The following STX11 variants were observed in gnomAD, a reference collection of about 807,000 sequenced individuals.
The protein encoded by STX11 is syntaxin-11.
A neutral mutation model predicts 19.9 loss-of-function variants in STX11; 21 were observed. That is an observed-to-expected ratio of 1.06 (90% CI 0.75 to 1.52). The LOEUF (loss-of-function observed/expected upper bound fraction) is 1.52, where lower values mean the gene tolerates loss of function less well. Ranked by LOEUF, STX11 falls within the 40% of genes most tolerant of loss-of-function variation. The pLI, the probability that STX11 is intolerant of heterozygous loss-of-function variation, is 0.00. For synonymous variants in STX11, 193 were observed against 174.4 expected (o/e 1.11, Z -0.84); for missense variants, 438 against 405.9 (o/e 1.08, Z -0.68).
At position 144,152,174 on chromosome 6, in the gene STX11, C is replaced by T. The variant is rs953086435; in HGVS notation, c.-6+1471C>T. Among the ~76,000 whole-genome samples the T allele has an allele frequency of 2.0e-5, 3 of 152,110 alleles. No individual in the cohort carries two copies. Among genetic ancestry groups the T allele is most frequent in the Admixed American group, 2.0e-4 (3 of 15,274 alleles). ...AAAGAGTAGACTCAGCAGATTATCA[C>T]CCCTAGATAATTGCGGTCACGATTA... On this transcript the variant is annotated intron_variant, in intron 1 of 1. Transcript: ENST00000367568. The surrounding 1 kb of genome is among the most constrained non-coding windows in gnomAD (Gnocchi z 4.9).
chr6:144,162,479 T>C lies in STX11; in HGVS notation c.-6+11776T>C, dbSNP rs1002422783. The stretch of plus-strand genomic sequence containing the variant: ...GAGTTTTGGAAGGGAGCAAAAGTAA[T>C]GTTCAATTTGCTATTTTATCCAGAA... On this transcript the variant is annotated intron_variant, in intron 1 of 1. Transcript: ENST00000367568. The surrounding 1 kb of genome is among the most constrained non-coding windows in gnomAD (Gnocchi z 4.6). 6.6e-6 allele frequency among the ~76,000 whole-genome samples: 1 copy of C among 152,230 alleles called. No individual in the cohort carries two copies. Among genetic ancestry groups the C allele is most frequent in the Non-Finnish European group, 1.5e-5 (1 of 68,042 alleles).
chr6:144,158,187 C>A lies in STX11; in HGVS notation c.-6+7484C>A, dbSNP rs74545913. Reference sequence around the variant, plus strand: ...GTGACCAACTCTATTGAGATTTTTTCAGATTATCCAGAAGTCATGGGAACC... The same window carrying A: ...GTGACCAACTCTATTGAGATTTTTTAAGATTATCCAGAAGTCATGGGAACC... On this transcript the variant is annotated intron_variant, in intron 1 of 1. Transcript: ENST00000367568. Among the ~76,000 whole-genome samples, 408 of 152,266 alleles carry A rather than the reference C, an allele frequency of 2.7e-3. 1 individual carries two copies. The highest frequency in any genetic ancestry group is 8.8e-3 in the African/African-American group (366 of 41,564).
intron 1 of STX11, among the ~76,000 whole-genome samples, chr6:144,185,336 T>G (rs969495233): frequency 2.0e-5 from 3 of 152,220 alleles, no homozygotes; most frequent in Non-Finnish European, 4.4e-5. Flanking sequence ...CCTGATAGAT[T>G]GCGTAACCAT....
the STX11 span, among the ~76,000 whole-genome samples, chr6:144,144,208 T>C: frequency 3.1e-4 from 47 of 152,258 alleles, no homozygotes; most frequent in Non-Finnish European, 1.2e-4. Flanking sequence ...TTGAAACTTA[T>C]GATTTAGTAG....
intron 1 of STX11, among the ~76,000 whole-genome samples, chr6:144,171,896 T>A (rs927765900): frequency 6.6e-6 from 1 of 152,240 alleles, no homozygotes; most frequent in Non-Finnish European, 1.5e-5. Flanking sequence ...TGAATTAAAA[T>A]CAAGATATTA....
chr6:144,156,649 AT>A (rs1272285826), intron 1 of STX11, among the ~76,000 whole-genome samples: 1 of 152,074 alleles, frequency 6.6e-6, no homozygotes, highest in African/African-American at 2.4e-5. Context: ...TCACGGTTAT[AT>A]TTCTAATTTT....
Position 144,169,750 on chromosome 6 carries a change from A to G in STX11, c.-5-16873A>G, listed in dbSNP as rs528466291. Reference sequence around the variant, plus strand: ...ACCCAGGCTGGAGTGCAGTGGCACAATCATAGCTCACTGCAGCCTCAAACT... The same window carrying G: ...ACCCAGGCTGGAGTGCAGTGGCACAGTCATAGCTCACTGCAGCCTCAAACT... On this transcript the variant is annotated intron_variant, in intron 1 of 1. Coordinates refer to ENST00000367568, the MANE Select transcript of STX11 (RefSeq NM_003764.4). This position sits in a 1 kb window ranked among gnomAD's most constrained non-coding sequence, Gnocchi z 5.2. Among the ~76,000 whole-genome samples, 26 of 151,030 alleles carry G rather than the reference A, an allele frequency of 1.7e-4. No individual in the cohort carries two copies. The South Asian group carries it at 3.6e-3, about 21-fold the overall frequency.
chr6:144,158,747 A>G (rs531264635), intron 1 of STX11, among the ~76,000 whole-genome samples: 4 of 152,258 alleles, frequency 2.6e-5, no homozygotes, highest in Admixed American at 6.5e-5. Context: ...TTAAGCATTC[A>G]TAAATGTAGG....
Position 144,180,014 on chromosome 6 carries a change from CTGTGTGTGTGTG to C in STX11, c.-5-6607_-5-6596del, listed in dbSNP as rs1312276117. Among the ~76,000 whole-genome samples the C allele has an allele frequency of 6.6e-6, 1 of 151,720 alleles. No homozygotes were observed. Among genetic ancestry groups the C allele is most frequent in the Non-Finnish European group, 1.5e-5 (1 of 67,886 alleles). ...TCTCTTTTTCTTTCTCTTTCTCTTTCTGTGTGTGTGTGTATCTACAAGCTGATCTCCATAATA... is the reference window on the plus strand; with the variant it reads ...TCTCTTTTTCTTTCTCTTTCTCTTTCTATCTACAAGCTGATCTCCATAATA... On this transcript the variant is annotated intron_variant, in intron 1 of 1. Transcript: ENST00000367568. This position sits in a 1 kb window ranked among gnomAD's most constrained non-coding sequence, Gnocchi z 5.3.
At position 144,169,443 on chromosome 6, in the gene STX11, C is replaced by T. The variant is rs1320299504; in HGVS notation, c.-5-17180C>T. Among the ~76,000 whole-genome samples, 2 of 152,166 alleles carry T rather than the reference C, an allele frequency of 1.3e-5. No homozygotes were observed. Among genetic ancestry groups the T allele is most frequent in the Non-Finnish European group, 2.9e-5 (2 of 68,024 alleles). On this transcript the variant is annotated intron_variant, in intron 1 of 1. Transcript: ENST00000367568. This position sits in a 1 kb window ranked among gnomAD's most constrained non-coding sequence, Gnocchi z 5.2. Reference sequence around the variant, plus strand: ...TGTGTCTTTTCTAAAATTTCCGTAACCAGCCTTTTGATTATTTACAGTTTC... The same window carrying T: ...TGTGTCTTTTCTAAAATTTCCGTAATCAGCCTTTTGATTATTTACAGTTTC...
chr6:144,147,986 T>C (rs546553541), upstream of STX11, among the ~76,000 whole-genome samples: 1 of 152,310 alleles, frequency 6.6e-6, no homozygotes, highest in South Asian at 2.1e-4. The surrounding 1 kb of genome is among the most constrained non-coding windows in gnomAD (Gnocchi z 4.2). Context: ...GGGCACCCCA[T>C]GGTCCAATAA....
rs1445478859 is a variant in STX11 at position 144,190,184 on chromosome 6, G to T, written c.*2693G>T. 6.6e-6 allele frequency among the ~76,000 whole-genome samples: 1 copy of T among 152,180 alleles called. No homozygotes were observed. Among genetic ancestry groups the T allele is most frequent in the East Asian group, 1.9e-4 (1 of 5,202 alleles). Reference sequence around the variant, plus strand: ...GCTGTTTGGGAACCATCTCAGTGTGGCGTAATGGTTAGGAGTACAGATTCC... The same window carrying T: ...GCTGTTTGGGAACCATCTCAGTGTGTCGTAATGGTTAGGAGTACAGATTCC... On this transcript the variant is annotated 3_prime_UTR_variant, in exon 2 of 2. Coordinates refer to ENST00000367568, the MANE Select transcript of STX11 (RefSeq NM_003764.4).
chr6:144,150,841 G>C lies in STX11; in HGVS notation c.-6+138G>C, dbSNP rs995046884. The C allele has an allele frequency of 1.4e-5, 9 of 656,826 alleles. No homozygotes were observed. In the African/African-American group the frequency reaches 1.6e-4, roughly 11 times the overall value. 40.7% of individuals were successfully genotyped at this position (656,826 alleles called of 1,614,324 possible). ...CGGCTGTGCCTTAGGTGGGATTTTG[G>C]ATCTGGCGCAGGTCCTCACGCCGCC... On this transcript the variant is annotated intron_variant, in intron 1 of 1. Coordinates refer to ENST00000367568, the MANE Select transcript of STX11 (RefSeq NM_003764.4).
rs1209067607 is a variant in STX11 at position 144,183,125 on chromosome 6, A to G, written c.-5-3498A>G. On this transcript the variant is annotated intron_variant, in intron 1 of 1. Transcript: ENST00000367568. This position sits in a 1 kb window ranked among gnomAD's most constrained non-coding sequence, Gnocchi z 4.6. ...GTGGACATTATAAAAATTTTGGAAA[A>G]TACAGAAAAGCAAAAGGAAGCAATT... is the stretch of plus-strand genomic sequence containing the variant. Among the ~76,000 whole-genome samples the G allele has an allele frequency of 6.6e-6, 1 of 152,254 alleles. No homozygotes were observed. Among genetic ancestry groups the G allele is most frequent in the African/African-American group, 2.4e-5 (1 of 41,464 alleles).
At chr6:144,171,595 A>G (rs1801637631) in intron 1 of STX11, among the ~76,000 whole-genome samples, 2 of 152,244 alleles carry the variant, frequency 1.3e-5, no homozygotes, top group African/African-American at 4.8e-5. Context: ...ACTGCCAAGT[A>G]TCTCTCTACT....
rs1801674811 is a variant in STX11, at chr6:144,172,828, A to G, written c.-5-13795A>G. On this transcript the variant is annotated intron_variant, in intron 1 of 1. Transcript: ENST00000367568. This position sits in a 1 kb window ranked among gnomAD's most constrained non-coding sequence, Gnocchi z 4.2. ...AATGAACAGGCTGTCTTTCCCATAC[A>G]CATCCAACATATAATGATGAGATAG... 6.6e-6 allele frequency among the ~76,000 whole-genome samples: 1 copy of G among 151,928 alleles called. No individual in the cohort carries two copies. The highest frequency in any genetic ancestry group is 6.6e-5 in the Admixed American group (1 of 15,238).
Position 144,183,889 on chromosome 6 carries a change from A to T in STX11, c.-5-2734A>T, listed in dbSNP as rs754458019. 6.6e-6 allele frequency among the ~76,000 whole-genome samples: 1 copy of T among 151,334 alleles called. No individual in the cohort carries two copies. Among genetic ancestry groups the T allele is most frequent in the Non-Finnish European group, 1.5e-5 (1 of 67,892 alleles). On this transcript the variant is annotated intron_variant, in intron 1 of 1. Coordinates refer to ENST00000367568, the MANE Select transcript of STX11 (RefSeq NM_003764.4). This position sits in a 1 kb window ranked among gnomAD's most constrained non-coding sequence, Gnocchi z 4.6. ...TCCCTAATGCTCTCCCCTCCCCCGC[A>T]CTTCCCCGACAGGCCCCACTGTGCA...
intron 1 of STX11, among the ~76,000 whole-genome samples, chr6:144,181,895 A>G (rs899885728): frequency 6.6e-6 from 1 of 152,208 alleles, no homozygotes; most frequent in African/African-American, 2.4e-5. Flanking sequence ...TCTGGTTTTC[A>G]GTACAGATTA....
At position 144,167,169 on chromosome 6, in the gene STX11, T is replaced by C. The variant is rs530036220; in HGVS notation, c.-6+16466T>C. On this transcript the variant is annotated intron_variant, in intron 1 of 1. Coordinates refer to ENST00000367568, the MANE Select transcript of STX11 (RefSeq NM_003764.4). The surrounding 1 kb of genome is among the most constrained non-coding windows in gnomAD (Gnocchi z 5.0). ...TGTATTATATTTTATCATTGGTTAT[T>C]TTATAGAATTAGTATATATAGTTGT... Among the ~76,000 whole-genome samples, 2 of 152,354 alleles carry C rather than the reference T, an allele frequency of 1.3e-5. No individual in the cohort carries two copies. Among genetic ancestry groups the C allele is most frequent in the South Asian group, 2.1e-4 (1 of 4,828 alleles).
Sources: gnomAD v4.1 joint callset for allele counts (sites outside exome capture counted in the v4.1 genomes callset) on GRCh38, gnomAD v4.1.1 for gene constraint, Gnocchi (gnomAD v3.1) non-coding constraint, MANE v1.5 for transcripts, NCBI Gene and HGNC (gene_info 2026-07-23, HGNC 2026-07-21) for gene names.